MPND: variants seen among roughly 807,000 people sequenced by gnomAD.
MPND encodes the protein MPN domain-containing protein.
In MPND, 56 loss-of-function variants were observed where a neutral mutation model predicts 59.2. The observed-to-expected ratio is 0.95, with a 90% CI of 0.76 to 1.18. MPND has a LOEUF of 1.18. Ranked by LOEUF, MPND falls within the 50% of genes most tolerant of loss-of-function variation. The probability of loss-of-function intolerance (pLI) is 0.00; values close to 1 mark genes in which losing one functional copy is unlikely to be tolerated. For synonymous variants in MPND, 323 were observed against 291.9 expected, an observed-to-expected ratio of 1.11 and a Z score of -1.09; for missense variants, 671 against 676.0, an observed-to-expected ratio of 0.99 and a Z score of 0.08.
chr19:4,359,635 T>C (rs1387043140), intron 12 of MPND, among the ~76,000 whole-genome samples: 1 of 152,074 alleles, frequency 6.6e-6, no homozygotes, highest in East Asian at 1.9e-4. Context: ...GGTGTCCCCA[T>C]GGGTGTCTGG....
Position 4,344,001 on chromosome 19 carries a change from A to G in MPND, c.294+7A>G. 7.6e-7 allele frequency: 1 copy of G among 1,317,966 alleles called. No individual in the cohort carries two copies. 81.6% of individuals were successfully genotyped at this position (1,317,966 alleles called of 1,614,324 possible). ...GCTGTCCATCTACTACCTGGTGAGC[A>G]CCCCGCCTCCCTCGTCCCATCGCGG... On this transcript the variant is annotated splice_region_variant and intron_variant, in intron 2 of 12. Transcript: ENST00000599840.
At position 4,357,527 on chromosome 19, in the gene MPND, C is replaced by G; in HGVS notation, c.1178C>G (p.Ser393Cys). The change falls in exon 10 of 13, where the codon TCT (serine) becomes TGT (cysteine). Residue 393 changes from serine to cysteine, a missense_variant. Transcript: ENST00000599840. ...TCTCTCCCGCCAGCCCCTTACTATT[C>G]TGGCAACCCAGGCCCCGAGTCCAAG... Reference protein sequence around the residue: ...CLALLCSPYYSGNPGPESKIS... With the variant: ...CLALLCSPYYCGNPGPESKIS... 3 of 1,613,734 alleles carry G rather than the reference C, an allele frequency of 1.9e-6. No individual in the cohort carries two copies. Among genetic ancestry groups the G allele is most frequent in the Admixed American group, 1.7e-5 (1 of 59,978 alleles).
chr19:4,357,469 C>A (rs752833729), intron 9 of MPND, 46 bp from the exon 10 acceptor site: 1 of 1,609,062 alleles, frequency 6.2e-7, no homozygotes, highest in Non-Finnish European at 8.5e-7. Flanking sequence ...GGATGCTGGG[C>A]CAGCCGAGCC....
At position 4,344,775 on chromosome 19, in the gene MPND, T is replaced by G. The variant is rs185888785; in HGVS notation, c.294+781T>G. Among the ~76,000 whole-genome samples, 1,164 of 151,058 alleles carry G rather than the reference T, an allele frequency of 7.7e-3. 15 individuals are homozygous for G. Among genetic ancestry groups the G allele is most frequent in the African/African-American group, 0.027 (1,119 of 41,012 alleles). The stretch of plus-strand genomic sequence containing the variant: ...TTTTTTTGAGACAGAGTCTCGCTTT[T>G]TTGCCCAGGCTGGAATGCAGTTGCT... On this transcript the variant is annotated intron_variant, in intron 2 of 12. Transcript: ENST00000599840.
intron 3 of MPND, chr19:4,347,256 T>C (rs75619885): frequency 2.0e-5 from 3 of 151,928 alleles, no homozygotes; most frequent in Admixed American, 6.6e-5. Context: ...TTTTTTTTTT[T>C]TCAAGACGGA....
At chr19:4,351,827 A>C (rs1163234401) in intron 3 of MPND, among the ~76,000 whole-genome samples, 2 of 122,124 alleles carry the variant, frequency 1.6e-5, no homozygotes, top group Non-Finnish European at 3.3e-5. Context: ...ATGCCACTGC[A>C]CTCCAGCCTC....
Position 4,354,825 on chromosome 19 carries a change from C to T in MPND, c.847-124C>T, listed in dbSNP as rs529262141. 1.3e-5 allele frequency: 13 copies of T among 978,420 alleles called. No individual in the cohort carries two copies. The African/African-American group carries it at 1.8e-4, about 14-fold the overall frequency. 60.6% of individuals were successfully genotyped at this position (978,420 alleles called of 1,614,324 possible). ...GTTGCGGTGAGCCAAGATCGTGCCA[C>T]TGCCCTCCAGCCTGGGCGACAGAGC... On this transcript the variant is annotated intron_variant, in intron 6 of 12. Coordinates refer to ENST00000599840, the MANE Select transcript of MPND (RefSeq NM_001300862.2).
chr19:4,343,798 C>T lies in MPND; in HGVS notation c.98C>T (p.Pro33Leu). The T allele has an allele frequency of 8.3e-7, 1 of 1,208,362 alleles. No homozygotes were observed. Among genetic ancestry groups the T allele is most frequent in the Non-Finnish European group, 1.0e-6 (1 of 973,018 alleles). 74.9% of individuals were successfully genotyped at this position (1,208,362 alleles called of 1,614,324 possible). Residue 33 changes from proline to leucine, a missense_variant, in exon 2 of 13, where the codon CCG becomes CTG. By Grantham distance (98) the Pro-to-Leu change is moderately conservative. Coordinates refer to ENST00000599840, the MANE Select transcript of MPND (RefSeq NM_001300862.2). ...DEAEAEDPER[P>L]NAGAGGGRSG... ...GCGGAGGCCGAGGACCCTGAGCGGC[C>T]GAATGCGGGAGCGGGCGGTGGACGC...
At chr19:4,353,440 G>C (rs1002030206) in intron 4 of MPND, among the ~76,000 whole-genome samples, 1 of 152,094 alleles carries the variant, frequency 6.6e-6, no homozygotes, top group African/African-American at 2.4e-5. Flanking sequence ...GCTAACTTTT[G>C]TATTTTTAGT....
intron 3 of MPND, among the ~76,000 whole-genome samples, chr19:4,351,189 C>T (rs567370375): frequency 4.6e-5 from 7 of 152,254 alleles, no homozygotes; most frequent in South Asian, 2.1e-4. Flanking sequence ...CTGCAGTCTC[C>T]GCCTCCCGGG....
chr19:4,349,465 G>C (rs1432645708), intron 3 of MPND, among the ~76,000 whole-genome samples: 2 of 152,030 alleles, frequency 1.3e-5, no homozygotes, highest in African/African-American at 4.8e-5. Flanking sequence ...AGGAAGTGAG[G>C]GTGCTCAACG....
Position 4,357,251 on chromosome 19 carries a change from A to G in MPND, c.997-2A>G. 1.3e-6 allele frequency: 2 copies of G among 1,591,296 alleles called. No individual in the cohort carries two copies. The highest frequency in any genetic ancestry group is 2.2e-5 in the East Asian group (1 of 44,582). ...CCCGCTGAGCTGCGCCTCTGTCCCCAGATCTACCAGAGCCTGTTCCTGCGG... is the reference window on the plus strand; with the variant it reads ...CCCGCTGAGCTGCGCCTCTGTCCCCGGATCTACCAGAGCCTGTTCCTGCGG... On this transcript the variant is annotated splice_acceptor_variant, in intron 8 of 12. Transcript: ENST00000599840. LOFTEE classifies it high-confidence loss of function.
chr19:4,352,980 C>A lies in MPND; in HGVS notation c.615C>A (p.Asp205Glu). The change falls in exon 4 of 13, where the codon GAC becomes GAA. Residue 205 changes from aspartate to glutamate, a missense_variant. Physicochemically the swap from Asp to Glu is conservative, Grantham distance 45 (BLOSUM62 2). Transcript: ENST00000599840. ...EDVLAGVSAEDKSRRPLGKSP... is the reference protein window; with the variant it reads ...EDVLAGVSAEEKSRRPLGKSP... ...TTCTGGCAGGGGTCTCAGCAGAGGA[C>A]AAGAGTCGGAGACCACTGGGGAAGA... 2 of 1,378,530 alleles carry A rather than the reference C, an allele frequency of 1.5e-6. No homozygotes were observed. Among genetic ancestry groups the A allele is most frequent in the South Asian group, 2.0e-5 (1 of 48,862 alleles). 85.4% of individuals were successfully genotyped at this position (1,378,530 alleles called of 1,614,324 possible).
rs759165167 is a variant in MPND at position 4,345,813 on chromosome 19, C to T, written c.363C>T (p.Phe121=). The T allele has an allele frequency of 1.2e-6, 2 of 1,613,956 alleles. No individual in the cohort carries two copies. The highest frequency in any genetic ancestry group is 2.2e-5 in the East Asian group (1 of 44,890). ...RIMWQETGQT[F]NSPSAWATHC... is the part of the protein sequence containing the mutation. ...TGTGGCAGGAGACCGGGCAGACCTT[C>T]AACTCACCCAGCGCCTGGGCCACCC... Residue 121 remains phenylalanine, a synonymous_variant, in exon 3 of 13, where the codon TTC becomes TTT. Transcript: ENST00000599840.
intron 10 of MPND, 124 bp downstream of exon 10, chr19:4,357,709 T>A: frequency 1.1e-6 from 1 of 927,264 alleles, no homozygotes; most frequent in Non-Finnish European, 1.6e-6. Context: ...TCTCCATCTA[T>A]GAAATGGGGA....
chr19:4,344,057 A>G, intron 2 of MPND, 63 bp downstream of exon 2: 1 of 1,171,578 alleles, frequency 8.5e-7, no homozygotes, highest in Non-Finnish European at 1.1e-6. Flanking sequence ...TGAGGCCTGG[A>G]GTTCCCTTGC....
chr19:4,347,773 C>T, intron 3 of MPND: 1 of 535,140 alleles, frequency 1.9e-6, no homozygotes, highest in Non-Finnish European at 3.3e-6. Flanking sequence ...GACGCAGTGG[C>T]AAAAAAACCC....
chr19:4,357,284 C>A lies in MPND; in HGVS notation c.1028C>A (p.Ser343Tyr). The stretch of plus-strand genomic sequence containing the variant: ...CAGAGCCTGTTCCTGCGGGGCCTGT[C>A]CCTGGTGGGCTGGTACCACAGCCAC... ...IYQSLFLRGL[S>Y]LVGWYHSHPH... The change falls in exon 9 of 13, where the codon TCC becomes TAC. Residue 343 changes from serine (S) to tyrosine (Y), a missense_variant. Transcript: ENST00000599840. The A allele has an allele frequency of 6.2e-7, 1 of 1,611,372 alleles. No individual in the cohort carries two copies.
chr19:4,359,959 A>T lies in MPND; in HGVS notation c.1463A>T (p.His488Leu), dbSNP rs1009489366. 6 of 1,575,044 alleles carry T rather than the reference A, an allele frequency of 3.8e-6. No individual in the cohort carries two copies. Among genetic ancestry groups the T allele is most frequent in the Non-Finnish European group, 5.2e-6 (6 of 1,159,934 alleles). Residue 488 changes from histidine to leucine, a missense_variant, in exon 13 of 13, where the codon CAC becomes CTC. Physicochemically the swap from His to Leu is moderately conservative, Grantham distance 99. Coordinates refer to ENST00000599840, the MANE Select transcript of MPND (RefSeq NM_001300862.2). The stretch of plus-strand genomic sequence containing the variant: ...ACGCCCAAGGACCAGAGCCTGTGTC[A>T]CGTCCTGGAACAGGTGTGCGGCGTC... ...SRTPKDQSLCHVLEQVCGVLK... is the reference protein window; with the variant it reads ...SRTPKDQSLCLVLEQVCGVLK...
Sources: allele counts gnomAD v4.1 joint callset (sites outside exome capture counted in the v4.1 genomes callset), GRCh38; gene constraint gnomAD v4.1.1; transcripts MANE v1.5; gene names NCBI Gene and HGNC (gene_info 2026-07-23, HGNC 2026-07-21).